Variants in GARIN5B observed in about 807,000 individuals in gnomAD.
The protein encoded by GARIN5B is Golgi-associated RAB2 interactor protein 5B.
At chr19:55,356,221 AAAG>A in the GARIN5B span, among the ~76,000 whole-genome samples, 1 of 151,958 alleles carries the variant, frequency 6.6e-6, no homozygotes, top group Admixed American at 6.5e-5. Context: ...AAAAAAAAGA[AAAG>A]AAAAGAAACA....
the GARIN5B span, chr19:55,359,068 C>T: frequency 3.2e-6 from 5 of 1,551,250 alleles, no homozygotes; most frequent in African/African-American, 6.8e-5. Flanking sequence ...TCGTCATCTC[C>T]ACCACGTCTG....
the GARIN5B span, chr19:55,362,117 C>T: frequency 7.8e-7 from 1 of 1,286,468 alleles, no homozygotes; most frequent in Non-Finnish European, 1.0e-6. Context: ...CCCCCAGCCC[C>T]TCCTCCCTCT....
At chr19:55,359,438 G>A in the GARIN5B span, 1 of 1,549,736 alleles carries the variant, frequency 6.5e-7, no homozygotes. Context: ...CCGGGATGGA[G>A]CAGGTATGGC....
the GARIN5B span, chr19:55,358,693 C>T: frequency 1.9e-5 from 29 of 1,550,924 alleles, no homozygotes; most frequent in Middle Eastern, 1.7e-4. Context: ...CCTGCGGAGT[C>T]GCCAAGAGCC....
the GARIN5B span, chr19:55,359,898 G>C: frequency 1.6e-5 from 25 of 1,551,352 alleles, no homozygotes; most frequent in Admixed American, 3.9e-5. Flanking sequence ...AAGCCATCAG[G>C]GCTGTCAGCT....
At chr19:55,355,233 G>T in the GARIN5B span, 1 of 1,087,228 alleles carries the variant, frequency 9.2e-7, no homozygotes, top group Non-Finnish European at 1.3e-6. Flanking sequence ...CAGGTCTAAG[G>T]CAGATCTCCA....
the GARIN5B span, chr19:55,361,426 G>T: frequency 7.9e-5 from 120 of 1,514,280 alleles, 1 homozygote; most frequent in South Asian, 1.4e-3. Flanking sequence ...GTCTGCTGAT[G>T]GGCTGGTCCT....
At chr19:55,362,552 G>A in the GARIN5B span, 64 of 1,528,580 alleles carry the variant, frequency 4.2e-5, 1 homozygote, top group Middle Eastern at 3.8e-4. Flanking sequence ...TGGAGGGGGC[G>A]GCCGAGGGGT....
chr19:55,360,801 G>T, the GARIN5B span: 1 of 1,551,376 alleles, frequency 6.4e-7, no homozygotes, highest in South Asian at 1.2e-5. Context: ...GCCCTTTGGG[G>T]CAGGAACCAG....
the GARIN5B span, chr19:55,358,732 C>T: frequency 2.3e-5 from 35 of 1,549,792 alleles, no homozygotes; most frequent in African/African-American, 5.5e-5. Context: ...AAGCGGATTT[C>T]GAGGGCTGCT....
the GARIN5B span, chr19:55,360,567 C>G: frequency 8.5e-7 from 1 of 1,169,912 alleles, no homozygotes; most frequent in Non-Finnish European, 1.2e-6. Context: ...AGGCCCCCCA[C>G]CCCTCCTCCC....
chr19:55,359,143 G>C, the GARIN5B span: 2 of 1,551,106 alleles, frequency 1.3e-6, no homozygotes, highest in South Asian at 1.2e-5. Context: ...TCTCCAGCAC[G>C]GCTCTTCCAG....
the GARIN5B span, chr19:55,355,258 A>C: frequency 6.7e-7 from 1 of 1,499,166 alleles, no homozygotes; most frequent in Non-Finnish European, 9.0e-7. Context: ...CTTAAAGGGT[A>C]CCTGGCAGCG....
chr19:55,359,104 C>CGAG, the GARIN5B span: 1 of 1,551,284 alleles, frequency 6.4e-7, no homozygotes, highest in Non-Finnish European at 8.7e-7. Flanking sequence ...CCGTCACCAC[C>CGAG]GGCTCCGGTT....
At chr19:55,359,119 TC>T in the GARIN5B span, 6 of 1,551,272 alleles carry the variant, frequency 3.9e-6, no homozygotes, top group African/African-American at 6.8e-5. Flanking sequence ...CCGGTTTCCC[TC>T]CAGACTGGCT....
At chr19:55,357,655 C>A in the GARIN5B span, among the ~76,000 whole-genome samples, 3 of 152,224 alleles carry the variant, frequency 2.0e-5, no homozygotes, top group African/African-American at 7.2e-5. Flanking sequence ...TCTCTACCTG[C>A]TAGAAGCCAG....
At chr19:55,360,005 T>G in the GARIN5B span, 1 of 1,520,180 alleles carries the variant, frequency 6.6e-7, no homozygotes, top group African/African-American at 1.4e-5. Context: ...GGGGAGAGGA[T>G]ACATGGTCAG....
chr19:55,360,400 C>CTGAGGAG, the GARIN5B span, among the ~76,000 whole-genome samples: 1 of 147,774 alleles, frequency 6.8e-6, no homozygotes, highest in Non-Finnish European at 1.5e-5. Context: ...CTCCCTCAGA[C>CTGAGGAG]TCAGGAGTCC....
the GARIN5B span, chr19:55,359,385 C>T: frequency 1.2e-4 from 187 of 1,549,178 alleles, 1 homozygote; most frequent in South Asian, 1.6e-3. Flanking sequence ...GGGGCAGGTA[C>T]GGCTGAGGCC....
Sources: allele counts gnomAD v4.1 joint callset (sites outside exome capture counted in the v4.1 genomes callset), GRCh38; gene constraint gnomAD v4.1.1; transcripts MANE v1.5; gene names NCBI Gene and HGNC (gene_info 2026-07-23, HGNC 2026-07-21).